Variants in NAALADL2 observed in about 807,000 individuals in gnomAD.
NAALADL2 encodes the protein inactive N-acetylated-alpha-linked acidic dipeptidase-like protein 2.
Under a neutral mutation model 87.2 loss-of-function variants are expected in NAALADL2, and 76 were observed. That is an observed-to-expected ratio of 0.87 (90% CI 0.72 to 1.05). The LOEUF (loss-of-function observed/expected upper bound fraction) is 1.05, where lower values mean the gene tolerates loss of function less well. Ranked by LOEUF, NAALADL2 falls within the 50% of genes least tolerant of loss-of-function variation. NAALADL2 has a pLI of 0.00. For synonymous variants in NAALADL2, 354 were observed against 331.0 expected (o/e 1.07, Z -0.75); for missense variants, 1,089 against 945.8 (o/e 1.15, Z -1.99).
chr3:174,869,928 G>A (rs1236096441), intron 1 of NAALADL2, among the ~76,000 whole-genome samples: 1 of 150,506 alleles, frequency 6.6e-6, no homozygotes, highest in Non-Finnish European at 1.5e-5. Context: ...CCTGGGAGGC[G>A]GAGGTTCCAG....
At chr3:175,616,680 C>G (rs1358661590) in intron 10 of NAALADL2, among the ~76,000 whole-genome samples, 1 of 152,068 alleles carries the variant, frequency 6.6e-6, no homozygotes, top group Non-Finnish European at 1.5e-5. Context: ...CTCAACCCAG[C>G]AGGCTGCACT....
intron 1 of NAALADL2, among the ~76,000 whole-genome samples, chr3:175,061,398 T>C (rs1166227757): frequency 2.0e-5 from 3 of 152,194 alleles, no homozygotes; most frequent in African/African-American, 7.2e-5. Flanking sequence ...TGGAATTTTA[T>C]ATGAAAATAT....
At chr3:175,652,847 G>A (rs1343932947) in intron 11 of NAALADL2, among the ~76,000 whole-genome samples, 1 of 151,982 alleles carries the variant, frequency 6.6e-6, no homozygotes, top group Non-Finnish European at 1.5e-5. Context: ...TGAACTATAC[G>A]GGGGTTAGGG....
chr3:175,533,903 T>A (rs1422369633), intron 9 of NAALADL2, among the ~76,000 whole-genome samples: 2 of 152,044 alleles, frequency 1.3e-5, no homozygotes, highest in Non-Finnish European at 2.9e-5. Context: ...CCACTGAGCT[T>A]AAGAGCAACC....
At chr3:175,391,088 A>C (rs968051684) in intron 5 of NAALADL2, among the ~76,000 whole-genome samples, 26 of 152,218 alleles carry the variant, frequency 1.7e-4, no homozygotes, top group Non-Finnish European at 8.8e-5. Context: ...AAGGATTATT[A>C]GAGTATGTTC....
intron 1 of NAALADL2, among the ~76,000 whole-genome samples, chr3:174,926,742 T>C (rs1736100582): frequency 6.6e-6 from 1 of 152,130 alleles, no homozygotes; most frequent in South Asian, 2.1e-4. Flanking sequence ...TTCCAGCTCC[T>C]GCAAAAACAT....
intron 12 of NAALADL2, among the ~76,000 whole-genome samples, 186 bp downstream of exon 12, chr3:175,737,585 ATG>A (rs1227265945): frequency 6.6e-6 from 1 of 152,144 alleles, no homozygotes; most frequent in East Asian, 1.9e-4. Context: ...AGATGCACGG[ATG>A]TGTAAGCATA....
intron 2 of NAALADL2, among the ~76,000 whole-genome samples, chr3:175,233,160 T>C (rs919671706): frequency 2.6e-5 from 4 of 152,240 alleles, no homozygotes; most frequent in Admixed American, 6.5e-5. Context: ...CATAGCATCA[T>C]GTAATTTGGC....
At chr3:175,205,560 C>T (rs1029743247) in intron 2 of NAALADL2, among the ~76,000 whole-genome samples, 14 of 152,122 alleles carry the variant, frequency 9.2e-5, no homozygotes, top group African/African-American at 2.9e-4. Flanking sequence ...AACAAGAACC[C>T]AAAAGCAAAT....
intron 3 of NAALADL2, among the ~76,000 whole-genome samples, chr3:174,827,993 G>A (rs1016258228): frequency 1.9e-4 from 29 of 152,118 alleles, no homozygotes; most frequent in African/African-American, 7.0e-4. Flanking sequence ...GAGAAGGCTG[G>A]GTATCATAGC....
intron 1 of NAALADL2, among the ~76,000 whole-genome samples, chr3:174,923,976 T>C (rs1453492538): frequency 1.3e-5 from 2 of 152,296 alleles, no homozygotes; most frequent in South Asian, 2.1e-4. Flanking sequence ...GTTCATGGAA[T>C]TGAGGCATAG....
chr3:175,357,123 C>T (rs1202698762), intron 5 of NAALADL2, among the ~76,000 whole-genome samples: 1 of 152,064 alleles, frequency 6.6e-6, no homozygotes, highest in Non-Finnish European at 1.5e-5. Context: ...TTTATATCCT[C>T]TCCTCACTAT....
At chr3:175,017,167 T>C (rs1303859299) in intron 1 of NAALADL2, among the ~76,000 whole-genome samples, 2 of 144,292 alleles carry the variant, frequency 1.4e-5, no homozygotes, top group East Asian at 3.9e-4. Flanking sequence ...ACATTGCTTT[T>C]CTTTTTTTTT....
intron 10 of NAALADL2, among the ~76,000 whole-genome samples, chr3:175,621,445 A>G (rs770939181): frequency 5.3e-5 from 8 of 152,138 alleles, no homozygotes; most frequent in Non-Finnish European, 1.0e-4. Flanking sequence ...ATATACCTCC[A>G]TCTAGGTAAT....
At chr3:174,641,998 ATCC>A (rs1411182394) in intron 2 of NAALADL2, among the ~76,000 whole-genome samples, 7 of 152,110 alleles carry the variant, frequency 4.6e-5, no homozygotes, top group Admixed American at 1.3e-4. Context: ...GGCTGAAGCA[ATCC>A]TCCTGCCTTG....
At chr3:175,531,139 T>G (rs1388930741) in intron 9 of NAALADL2, among the ~76,000 whole-genome samples, 1 of 152,112 alleles carries the variant, frequency 6.6e-6, no homozygotes, top group Non-Finnish European at 1.5e-5. Context: ...CTAGACCTGT[T>G]GCAGAGACTT....
At chr3:175,522,926 A>G (rs1178590709) in intron 9 of NAALADL2, among the ~76,000 whole-genome samples, 1 of 152,216 alleles carries the variant, frequency 6.6e-6, no homozygotes, top group African/African-American at 2.4e-5. Flanking sequence ...ATTGCAAGAA[A>G]TAAACATTTA....
At chr3:174,882,614 CA>C (rs1729418784) in intron 1 of NAALADL2, among the ~76,000 whole-genome samples, 1 of 147,930 alleles carries the variant, frequency 6.8e-6, no homozygotes, top group East Asian at 2.0e-4. Context: ...CATATATGTG[CA>C]TATGCATATA....
chr3:174,660,590 G>A (rs987169494), intron 2 of NAALADL2, among the ~76,000 whole-genome samples: 7 of 152,094 alleles, frequency 4.6e-5, no homozygotes, highest in African/African-American at 1.4e-4. Context: ...GATACGAAAG[G>A]ATGATTTATC....
Sources: gnomAD v4.1 joint callset for allele counts (sites outside exome capture counted in the v4.1 genomes callset) on GRCh38, gnomAD v4.1.1 for gene constraint, MANE v1.5 for transcripts, NCBI Gene and HGNC (gene_info 2026-07-23, HGNC 2026-07-21) for gene names.